The following USP35 variants were observed in gnomAD, a reference collection of about 807,000 sequenced individuals.
USP35 encodes ubiquitin specific peptidase 35.
Under a neutral mutation model 83.8 loss-of-function variants are expected in USP35, and 69 were observed. The observed-to-expected ratio is 0.82, with a 90% CI of 0.68 to 1.01. USP35 has a LOEUF of 1.01. Among genes scored for constraint, USP35 ranks in the 50% least tolerant of loss-of-function variants. The pLI is 0.00. For synonymous variants in USP35, 714 were observed against 589.5 expected, an observed-to-expected ratio of 1.21 and a Z score of -3.06; for missense variants, 1,503 against 1,362.5, an observed-to-expected ratio of 1.10 and a Z score of -1.62.
chr11:78,225,791 C>G, the USP35 span, among the ~76,000 whole-genome samples: 1 of 152,170 alleles, frequency 6.6e-6, no homozygotes, highest in African/African-American at 2.4e-5. Flanking sequence ...GAGATGGAGA[C>G]AAGGAGGTTT....
Position 78,215,075 on chromosome 11 carries a change from C to A in USP35, c.*1262C>A, listed in dbSNP as rs112191911. 2.6e-5 allele frequency among the ~76,000 whole-genome samples: 4 copies of A among 152,148 alleles called. No individual in the cohort carries two copies. The highest frequency in any genetic ancestry group is 5.9e-5 in the Non-Finnish European group (4 of 68,024). On this transcript the variant is annotated 3_prime_UTR_variant, in exon 11 of 11. Coordinates refer to ENST00000529308, the MANE Select transcript of USP35 (RefSeq NM_020798.4). ...GACCTGTGAAAGCAGCAGACAGACACGCCCAGAACCCATCTCTAGACGCCT... is the reference window on the plus strand; with the variant it reads ...GACCTGTGAAAGCAGCAGACAGACAAGCCCAGAACCCATCTCTAGACGCCT...
the USP35 span, chr11:78,220,571 G>A: frequency 1.4e-6 from 1 of 704,782 alleles, no homozygotes; most frequent in South Asian, 2.4e-5. Flanking sequence ...ACCATGCTAA[G>A]GACTTTTCAT....
downstream of USP35, chr11:78,219,194 A>T: frequency 7.4e-7 from 1 of 1,357,154 alleles, no homozygotes; most frequent in Non-Finnish European, 1.0e-6. Context: ...TGGGAGGAAG[A>T]ACGGGAGAGG....
At chr11:78,212,955 G>C (rs965392665) in intron 10 of USP35, among the ~76,000 whole-genome samples, 1 of 152,176 alleles carries the variant, frequency 6.6e-6, no homozygotes, top group Admixed American at 6.5e-5. Context: ...CCTCCTGTGT[G>C]ACTCCCTAGA....
chr11:78,208,944 C>T lies in USP35; in HGVS notation c.1573C>T (p.Leu525=), dbSNP rs1361706906. The T allele has an allele frequency of 6.2e-7, 1 of 1,614,176 alleles. No individual in the cohort carries two copies. The highest frequency in any genetic ancestry group is 1.1e-5 in the South Asian group (1 of 91,086). The change falls in exon 9 of 11, where the codon CTG becomes TTG. Residue 525 remains leucine (L), a synonymous_variant. Transcript: ENST00000529308. ...PGTQQDCSEY[L]KYLLDRLHEE... ...CACCCAGCAGGACTGCTCGGAGTATCTGAAGTACCTGCTGGATCGGTAAGG... is the reference window on the plus strand; with the variant it reads ...CACCCAGCAGGACTGCTCGGAGTATTTGAAGTACCTGCTGGATCGGTAAGG...
Position 78,205,850 on chromosome 11 carries a change from T to C in USP35, c.1206T>C (p.His402=), listed in dbSNP as rs1207479443. ...GCTTATTCCCTCCTCAGGACCTCCA[T>C]GTTCCCAATGAGGACCGCATCAAGC... The part of the protein sequence containing the change: ...EPVMEAIKDL[H]VPNEDRIKQL... Residue 402 remains histidine, a synonymous_variant, in exon 7 of 11, where the codon CAT becomes CAC. Transcript: ENST00000529308. 1 of 1,612,924 alleles carries C rather than the reference T, an allele frequency of 6.2e-7. No individual in the cohort carries two copies. Among genetic ancestry groups the C allele is most frequent in the Non-Finnish European group, 8.5e-7 (1 of 1,179,140 alleles).
Position 78,196,329 on chromosome 11 carries a change from G to A in USP35, c.84G>A (p.Ala28=), listed in dbSNP as rs754389648. 6.3e-7 allele frequency: 1 copy of A among 1,586,320 alleles called. No homozygotes were observed. The highest frequency in any genetic ancestry group is 8.5e-7 in the Non-Finnish European group (1 of 1,174,264). ...KQGLVRRVLE[A]ARQPLEREQC... ...GGCTGGTTCGGCGCGTGCTGGAGGC[G>A]GCGCGGCAGCCGCTGGAGCGTGAGC... Residue 28 remains alanine (A), a synonymous_variant, in exon 2 of 11, where the codon GCG becomes GCA. Coordinates refer to ENST00000529308, the MANE Select transcript of USP35 (RefSeq NM_020798.4). This position sits in a 1 kb window ranked among gnomAD's most constrained non-coding sequence, Gnocchi z 4.8.
At chr11:78,205,550 T>C (rs1182760314) in intron 6 of USP35, among the ~76,000 whole-genome samples, 1 of 152,246 alleles carries the variant, frequency 6.6e-6, no homozygotes, top group Non-Finnish European at 1.5e-5. Flanking sequence ...ACAGCGACCC[T>C]GGACAATTAT....
intron 8 of USP35, among the ~76,000 whole-genome samples, chr11:78,208,544 G>A (rs575939101): frequency 1.1e-4 from 16 of 152,308 alleles, no homozygotes; most frequent in African/African-American, 3.8e-4. Context: ...GCTGTATCTG[G>A]GACTCATCTT....
At chr11:78,229,724 C>A in the USP35 span, among the ~76,000 whole-genome samples, 1 of 152,352 alleles carries the variant, frequency 6.6e-6, no homozygotes, top group African/African-American at 2.4e-5. Flanking sequence ...TCTCACCAAT[C>A]TTTTCTCTTT....
rs1054515098 is a variant in USP35, at chr11:78,199,582, C to T, written c.807-13C>T. Reference sequence around the variant, plus strand: ...GTCCCTTGTCCCTGTGTCACTGTCACTCCCCTCACCAGGATGATTGACTGG... The same window carrying T: ...GTCCCTTGTCCCTGTGTCACTGTCATTCCCCTCACCAGGATGATTGACTGG... On this transcript the variant is annotated splice_polypyrimidine_tract_variant and intron_variant, in intron 3 of 10. Coordinates refer to ENST00000529308, the MANE Select transcript of USP35 (RefSeq NM_020798.4). 1 of 1,614,128 alleles carries T rather than the reference C, an allele frequency of 6.2e-7. No homozygotes were observed. The highest frequency in any genetic ancestry group is 8.5e-7 in the Non-Finnish European group (1 of 1,179,958).
the USP35 span, among the ~76,000 whole-genome samples, chr11:78,231,595 G>C: frequency 1.3e-5 from 2 of 152,116 alleles, no homozygotes; most frequent in Non-Finnish European, 2.9e-5. Flanking sequence ...TGGTCTGCCC[G>C]CCTCAGCCTC....
chr11:78,221,502 T>C, the USP35 span, among the ~76,000 whole-genome samples: 3 of 152,114 alleles, frequency 2.0e-5, no homozygotes, highest in Non-Finnish European at 4.4e-5. Context: ...TGATGACAAC[T>C]CCTACTGCTT....
chr11:78,203,779 T>A (rs1190158397), intron 6 of USP35, among the ~76,000 whole-genome samples: 1 of 148,382 alleles, frequency 6.7e-6, no homozygotes. Flanking sequence ...GGGGTTTCAC[T>A]GTGTTAGCCA....
At position 78,200,913 on chromosome 11, in the gene USP35, G is replaced by A. The variant is rs1383338930; in HGVS notation, c.1197+105G>A. On this transcript the variant is annotated intron_variant, in intron 6 of 10. Coordinates refer to ENST00000529308, the MANE Select transcript of USP35 (RefSeq NM_020798.4). The stretch of plus-strand genomic sequence containing the variant: ...AGCTTGGTGGCAGTCCCCGTCATTT[G>A]GTGCCTGGCTGTCTCCCATCACCTC... 17 of 1,457,090 alleles carry A rather than the reference G, an allele frequency of 1.2e-5. No homozygotes were observed. The East Asian group carries it at 1.7e-4, about 14-fold the overall frequency. 90.3% of individuals were successfully genotyped at this position (1,457,090 alleles called of 1,614,324 possible). A position where few individuals can be genotyped will look rare whatever the true frequency, so the allele number is the denominator to read the frequency against.
At chr11:78,234,786 T>A in the USP35 span, among the ~76,000 whole-genome samples, 1 of 151,992 alleles carries the variant, frequency 6.6e-6, no homozygotes, top group Non-Finnish European at 1.5e-5. Context: ...CCTGACTTTA[T>A]TGTTGTTCTT....
rs528724878 is a variant in USP35 at position 78,207,240 on chromosome 11, G to A, written c.1392-290G>A. ...GGGACCACAGGACCTTAGGACGTTTGAATCTTTAAGTCCTGAACGTAGGTC... is the reference window on the plus strand; with the variant it reads ...GGGACCACAGGACCTTAGGACGTTTAAATCTTTAAGTCCTGAACGTAGGTC... On this transcript the variant is annotated intron_variant, in intron 7 of 10. Transcript: ENST00000529308. The A allele has an allele frequency of 7.5e-5, 22 of 295,250 alleles. No homozygotes were observed. In the South Asian group the frequency reaches 1.1e-3, roughly 14 times the overall value. The allele number at this position is 295,250 out of a possible 1,614,324, so 18.3% of individuals were successfully genotyped here.
At chr11:78,198,644 G>T (rs956591441) in intron 3 of USP35, 1 of 985,230 alleles carries the variant, frequency 1.0e-6, no homozygotes, top group South Asian at 4.7e-5. Flanking sequence ...TTTCCATCCC[G>T]TGTGCAGATC....
chr11:78,199,077 T>A (rs893307843), intron 3 of USP35: 8 of 161,432 alleles, frequency 5.0e-5, no homozygotes, highest in African/African-American at 1.4e-4. Context: ...CTGATACATG[T>A]AAAGTTGATG....
Sources: gnomAD v4.1 joint callset for allele counts (sites outside exome capture counted in the v4.1 genomes callset) on GRCh38, gnomAD v4.1.1 for gene constraint, Gnocchi (gnomAD v3.1) non-coding constraint, MANE v1.5 for transcripts, NCBI Gene and HGNC (gene_info 2026-07-23, HGNC 2026-07-21) for gene names.